Variants in MTUS1 observed in about 807,000 individuals in gnomAD.
MTUS1 encodes the protein microtubule-associated tumor suppressor 1.
A neutral mutation model predicts 120.8 loss-of-function variants in MTUS1; 109 were observed. The observed-to-expected ratio is 0.90, with a 90% CI of 0.77 to 1.06. The LOEUF is 1.06. Among genes scored for constraint, MTUS1 ranks in the 50% least tolerant of loss-of-function variants. The probability of loss-of-function intolerance (pLI) is 0.00; values close to 1 mark genes in which losing one functional copy is unlikely to be tolerated. For synonymous variants in MTUS1, 737 were observed against 550.5 expected, an observed-to-expected ratio of 1.34 and a Z score of -4.74; for missense variants, 2,210 against 1,486.3, an observed-to-expected ratio of 1.49 and a Z score of -8.01.
chr8:17,689,859 T>C (rs1052924672), intron 6 of MTUS1, among the ~76,000 whole-genome samples: 1 of 128,020 alleles, frequency 7.8e-6, no homozygotes, highest in Non-Finnish European at 1.5e-5. Context: ...TCTCTTATCA[T>C]ATGCAAAAAT....
At chr8:17,704,867 T>G (rs1407346725) in intron 6 of MTUS1, among the ~76,000 whole-genome samples, 4 of 152,162 alleles carry the variant, frequency 2.6e-5, no homozygotes, top group Admixed American at 6.5e-5. Flanking sequence ...TATGTCCATT[T>G]AGCTTCTATT....
intron 3 of MTUS1, 49 bp downstream of exon 3, chr8:17,743,555 A>T: frequency 6.4e-7 from 1 of 1,555,858 alleles, no homozygotes; most frequent in South Asian, 1.2e-5. Context: ...ATGACTGTCC[A>T]ATTTTACATT....
At chr8:17,725,128 T>C (rs1485273469) in intron 3 of MTUS1, among the ~76,000 whole-genome samples, 4 of 152,114 alleles carry the variant, frequency 2.6e-5, no homozygotes, top group Non-Finnish European at 5.9e-5. Context: ...GATCCCCATA[T>C]ATTCTAGCAC....
chr8:17,663,897 AAG>A (rs1810333349), intron 8 of MTUS1: 2 of 152,232 alleles, frequency 1.3e-5, no homozygotes, highest in Non-Finnish European at 2.9e-5. Context: ...CACCTGGCCT[AAG>A]CCTACATTTC....
intron 7 of MTUS1, among the ~76,000 whole-genome samples, chr8:17,683,297 T>A (rs538590562): frequency 1.3e-5 from 2 of 152,110 alleles, no homozygotes; most frequent in East Asian, 3.9e-4. Context: ...TCATTGAAAC[T>A]GTCTACTAGT....
intron 2 of MTUS1, among the ~76,000 whole-genome samples, chr8:17,745,958 C>G (rs1358326394): frequency 6.6e-6 from 1 of 152,304 alleles, no homozygotes; most frequent in South Asian, 2.1e-4. Flanking sequence ...TGAGTTCTTA[C>G]AAGATCTGGT....
intron 6 of MTUS1, among the ~76,000 whole-genome samples, chr8:17,699,648 A>T (rs1433336674): frequency 6.6e-6 from 1 of 152,266 alleles, no homozygotes; most frequent in Non-Finnish European, 1.5e-5. Flanking sequence ...TATTGAAAAT[A>T]AACATTGTTA....
At chr8:17,647,780 T>C (rs1399100342) in intron 13 of MTUS1, among the ~76,000 whole-genome samples, 1 of 152,170 alleles carries the variant, frequency 6.6e-6, no homozygotes, top group East Asian at 1.9e-4. Context: ...TTTAATCACT[T>C]AACATGATGA....
chr8:17,649,535 T>C (rs1212940828), intron 13 of MTUS1, among the ~76,000 whole-genome samples: 3 of 152,362 alleles, frequency 2.0e-5, no homozygotes, highest in East Asian at 1.9e-4. Context: ...TGATTTTACA[T>C]AGATATTTAA....
intron 4 of MTUS1, among the ~76,000 whole-genome samples, chr8:17,719,044 C>T (rs1822889853): frequency 3.3e-5 from 5 of 152,020 alleles, no homozygotes; most frequent in Admixed American, 3.3e-4. Context: ...GTGGTAGGCA[C>T]CTGTAATCCC....
intron 1 of MTUS1, among the ~76,000 whole-genome samples, chr8:17,775,209 C>G (rs964399530): frequency 1.3e-5 from 2 of 152,080 alleles, no homozygotes; most frequent in African/African-American, 4.8e-5. Flanking sequence ...CTTTATGCCA[C>G]TGAACCGTAC....
At chr8:17,793,841 C>A (rs2051999360) in intron 1 of MTUS1, among the ~76,000 whole-genome samples, 1 of 152,206 alleles carries the variant, frequency 6.6e-6, no homozygotes, top group South Asian at 2.1e-4. Flanking sequence ...ATTTTTAATG[C>A]AAAGCCCAAC....
intron 2 of MTUS1, among the ~76,000 whole-genome samples, chr8:17,744,568 A>G (rs574561593): frequency 6.6e-6 from 1 of 151,630 alleles, no homozygotes; most frequent in Non-Finnish European, 1.5e-5. Context: ...TTACGGGTGC[A>G]CACCACCATC....
At position 17,801,044 on chromosome 8, in the gene MTUS1, T is replaced by C. The variant is rs1003677371; in HGVS notation, c.-155+17A>G. On this transcript the variant is annotated intron_variant, in intron 1 of 14. Transcript: ENST00000693296. Reference sequence around the variant, plus strand: ...CCGGCCGCCGGGCAGCGGGAACAGATTCCAGCGCGCACTTACCCGCAGCTC... The same window carrying C: ...CCGGCCGCCGGGCAGCGGGAACAGACTCCAGCGCGCACTTACCCGCAGCTC... The C allele has an allele frequency of 2.6e-5, 4 of 152,068 alleles. No homozygotes were observed. Among genetic ancestry groups the C allele is most frequent in the Admixed American group, 1.3e-4 (2 of 15,272 alleles). 9.4% of individuals were successfully genotyped at this position (152,068 alleles called of 1,614,324 possible).
chr8:17,768,084 C>T (rs569126463), intron 1 of MTUS1, among the ~76,000 whole-genome samples: 152 of 152,310 alleles, frequency 1.0e-3, no homozygotes, highest in Admixed American at 1.7e-3. Flanking sequence ...TTGAATTAAA[C>T]ATTATTTTAA....
At chr8:17,666,028 C>G (rs1010240030) in intron 8 of MTUS1, among the ~76,000 whole-genome samples, 4 of 151,368 alleles carry the variant, frequency 2.6e-5, no homozygotes, top group African/African-American at 9.7e-5. Flanking sequence ...TGAAGAGAAG[C>G]CTGCAAAGGC....
At chr8:17,694,799 C>T (rs941221030) in intron 6 of MTUS1, among the ~76,000 whole-genome samples, 1 of 152,194 alleles carries the variant, frequency 6.6e-6, no homozygotes, top group Admixed American at 6.5e-5. Context: ...GGAGACAAAT[C>T]ATTTAGATAA....
At chr8:17,674,665 C>T (rs1008747097) in intron 8 of MTUS1, 67 of 986,740 alleles carry the variant, frequency 6.8e-5, no homozygotes, top group South Asian at 1.4e-4. Flanking sequence ...CCCTGTGGAG[C>T]GGGGAGGTGG....
At chr8:17,780,215 T>C (rs887629143) in intron 1 of MTUS1, among the ~76,000 whole-genome samples, 1 of 151,664 alleles carries the variant, frequency 6.6e-6, no homozygotes, top group African/African-American at 2.4e-5. Context: ...GTGTGGTACC[T>C]CCCCCGTCCC....
Sources: gnomAD v4.1 joint callset for allele counts (sites outside exome capture counted in the v4.1 genomes callset) on GRCh38, gnomAD v4.1.1 for gene constraint, MANE v1.5 for transcripts, NCBI Gene and HGNC (gene_info 2026-07-23, HGNC 2026-07-21) for gene names.